The following TSC22D1 variants were observed in gnomAD, a reference collection of about 807,000 sequenced individuals.
The protein encoded by TSC22D1 is TSC22 domain family protein 1.
In TSC22D1, 9 loss-of-function variants were observed where a neutral mutation model predicts 74.2. The ratio of observed to expected loss-of-function variants is 0.12; its 90% CI spans 0.07 to 0.21. The LOEUF (loss-of-function observed/expected upper bound fraction) is 0.21. Ranked by LOEUF, TSC22D1 falls within the 10% of genes least tolerant of loss-of-function variation. The probability of loss-of-function intolerance (pLI) is 1.00; values close to 1 mark genes in which losing one functional copy is unlikely to be tolerated. For missense variants in TSC22D1, 1,427 were observed against 1,304.7 expected (o/e 1.09, Z -1.44); for synonymous variants, 586 against 492.5 (o/e 1.19, Z -2.51).
chr13:44,534,451 G>A (rs73190824), intron 1 of TSC22D1, among the ~76,000 whole-genome samples: 1 of 150,208 alleles, frequency 6.7e-6, no homozygotes, highest in African/African-American at 2.5e-5. Flanking sequence ...TGCATTTTTC[G>A]ATGTTATCCT....
rs1566138871 is a variant in TSC22D1, at chr13:44,494,374, TCAAAAAAA to T, written c.2913-58287_2913-58280del. 3.1e-3 allele frequency among the ~76,000 whole-genome samples: 31 copies of T among 9,998 alleles called. 1 individual carries two copies. The highest frequency in any genetic ancestry group is 0.012 in the African/African-American group (27 of 2,196). 6.6% of individuals were successfully genotyped at this position (9,998 alleles called of 152,430 possible). Reference sequence around the variant, plus strand: ...CTGGGTGACAGACCAAGACTCCGTATCAAAAAAAAAAAAAAAAAAAAAAAAAAAAAAAG... The same window carrying T: ...CTGGGTGACAGACCAAGACTCCGTATAAAAAAAAAAAAAAAAAAAAAAAAG... On this transcript the variant is annotated intron_variant, in intron 1 of 2. Transcript: ENST00000458659.
chr13:44,523,580 G>C (rs1390633664), intron 1 of TSC22D1, among the ~76,000 whole-genome samples: 1 of 152,188 alleles, frequency 6.6e-6, no homozygotes, highest in Non-Finnish European at 1.5e-5. Flanking sequence ...AAACTAGACA[G>C]ATAGTAAGAT....
chr13:44,551,326 T>TGTGC (rs1555272465), intron 1 of TSC22D1, among the ~76,000 whole-genome samples: 1 of 150,584 alleles, frequency 6.6e-6, no homozygotes, highest in African/African-American at 2.4e-5. Context: ...TGTGTGTGTG[T>TGTGC]GTGTGTGTGT....
At chr13:44,482,209 A>G (rs1228895887) in intron 1 of TSC22D1, among the ~76,000 whole-genome samples, 1 of 152,132 alleles carries the variant, frequency 6.6e-6, no homozygotes, top group Non-Finnish European at 1.5e-5. Flanking sequence ...TTAATCCTCA[A>G]AACAACTCAT....
chr13:44,563,914 C>T (rs561739523), intron 1 of TSC22D1, among the ~76,000 whole-genome samples: 2 of 152,202 alleles, frequency 1.3e-5, no homozygotes, highest in African/African-American at 4.8e-5. Flanking sequence ...AAAACTATTA[C>T]TTAGCCCTTA....
intron 1 of TSC22D1, among the ~76,000 whole-genome samples, chr13:44,454,655 G>A (rs1876422222): frequency 6.6e-6 from 1 of 152,070 alleles, no homozygotes; most frequent in Non-Finnish European, 1.5e-5. Flanking sequence ...TACTTGATTA[G>A]ACTTACTACT....
At chr13:44,503,368 C>G (rs979868486) in intron 1 of TSC22D1, among the ~76,000 whole-genome samples, 1 of 151,810 alleles carries the variant, frequency 6.6e-6, no homozygotes, top group Non-Finnish European at 1.5e-5. Context: ...TAGTTAAAGA[C>G]GAAAGTCTCC....
At position 44,546,716 on chromosome 13, in the gene TSC22D1, G is replaced by A. The variant is rs1182860636; in HGVS notation, c.2912+26447C>T. Among the ~76,000 whole-genome samples the A allele has an allele frequency of 2.1e-5, 3 of 146,146 alleles. No individual in the cohort carries two copies. The East Asian group carries it at 5.8e-4, about 28-fold the overall frequency. On this transcript the variant is annotated intron_variant, in intron 1 of 2. Transcript: ENST00000458659. ...ATGATACAAACATTAAGGAAAGCTG[G>A]GTGACAGGTATATGGGAATTCTGTG...
At chr13:44,459,889 C>T (rs763117149) in intron 1 of TSC22D1, among the ~76,000 whole-genome samples, 3 of 152,166 alleles carry the variant, frequency 2.0e-5, no homozygotes, top group Non-Finnish European at 4.4e-5. Context: ...TTGCCACTGA[C>T]CCTTGGCAGG....
At chr13:44,494,446 T>C (rs1463051941) in intron 1 of TSC22D1, among the ~76,000 whole-genome samples, 2 of 110,772 alleles carry the variant, frequency 1.8e-5, no homozygotes, top group South Asian at 3.1e-4. Context: ...TGGTCCCAGA[T>C]ACTTAAGAGG....
chr13:44,466,745 G>A (rs908961404), intron 1 of TSC22D1, among the ~76,000 whole-genome samples: 4 of 152,024 alleles, frequency 2.6e-5, no homozygotes, highest in Admixed American at 2.6e-4. Context: ...ACTCCAGCCT[G>A]GGTGACAGAA....
intron 1 of TSC22D1, among the ~76,000 whole-genome samples, chr13:44,495,145 G>A (rs545641503): frequency 1.3e-5 from 2 of 152,080 alleles, no homozygotes; most frequent in African/African-American, 4.8e-5. Context: ...AACACATAAT[G>A]AGAGTTCCAG....
At chr13:44,435,902 C>A in intron 2 of TSC22D1, 142 bp downstream of exon 2, 2 of 916,814 alleles carry the variant, frequency 2.2e-6, no homozygotes, top group Non-Finnish European at 3.5e-6. Flanking sequence ...CCACGCTGGC[C>A]GAATGGAGAC....
intron 1 of TSC22D1, among the ~76,000 whole-genome samples, chr13:44,504,465 G>C (rs917557834): frequency 1.3e-5 from 2 of 152,032 alleles, no homozygotes; most frequent in African/African-American, 4.8e-5. Flanking sequence ...TTAGGTGGAC[G>C]TGGTGGCTTG....
At position 44,465,165 on chromosome 13, in the gene TSC22D1, T is replaced by C. The variant is rs560915525; in HGVS notation, c.2913-29070A>G. Among the ~76,000 whole-genome samples the C allele has an allele frequency of 9.2e-5, 14 of 152,228 alleles. No homozygotes were observed. In the South Asian group the frequency reaches 2.9e-3, roughly 32 times the overall value. On this transcript the variant is annotated intron_variant, in intron 1 of 2. Coordinates refer to ENST00000458659, the MANE Select transcript of TSC22D1 (RefSeq NM_183422.4). Reference sequence around the variant, plus strand: ...AAATGTCTGAAGGAAACTTTCACGGTACTAGGACAGTATGTAACACAGGAC... The same window carrying C: ...AAATGTCTGAAGGAAACTTTCACGGCACTAGGACAGTATGTAACACAGGAC...
chr13:44,537,936 C>G (rs1342927320), intron 1 of TSC22D1: 3 of 985,042 alleles, frequency 3.0e-6, no homozygotes, highest in Non-Finnish European at 3.6e-6. Flanking sequence ...CCAAATTTAA[C>G]AAACTGGCAG....
chr13:44,467,998 A>ATG (rs1222012093), intron 1 of TSC22D1, among the ~76,000 whole-genome samples: 1 of 147,600 alleles, frequency 6.8e-6, no homozygotes, highest in Non-Finnish European at 1.5e-5. Flanking sequence ...CTATACACAC[A>ATG]CGCGCACACA....
chr13:44,520,974 T>G (rs1439206030), intron 1 of TSC22D1, among the ~76,000 whole-genome samples: 4 of 152,110 alleles, frequency 2.6e-5, no homozygotes, highest in African/African-American at 9.7e-5. Flanking sequence ...AGGAGGTAGG[T>G]GTGTTTATTA....
At chr13:44,544,104 A>C (rs1224681565) in intron 1 of TSC22D1, among the ~76,000 whole-genome samples, 1 of 152,184 alleles carries the variant, frequency 6.6e-6, no homozygotes, top group Non-Finnish European at 1.5e-5. Flanking sequence ...AAAAATAAAA[A>C]ATAAAAAATA....
Sources: gnomAD v4.1 joint callset for allele counts (sites outside exome capture counted in the v4.1 genomes callset) on GRCh38, gnomAD v4.1.1 for gene constraint, MANE v1.5 for transcripts, NCBI Gene and HGNC (gene_info 2026-07-23, HGNC 2026-07-21) for gene names.